The following EZH2 variants were observed in gnomAD, a reference collection of about 807,000 sequenced individuals.
The protein encoded by EZH2 is enhancer of zeste 2 polycomb repressive complex 2 subunit.
A neutral mutation model predicts 98.4 loss-of-function variants in EZH2; 18 were observed. The observed-to-expected ratio is 0.18, with a 90% CI of 0.13 to 0.27. The LOEUF (loss-of-function observed/expected upper bound fraction) is 0.27, where lower values mean the gene tolerates loss of function less well. Among genes scored for constraint, EZH2 ranks in the 10% least tolerant of loss-of-function variants. The pLI is 1.00. For synonymous variants in EZH2, 338 were observed against 312.3 expected (o/e 1.08, Z -0.87); for missense variants, 470 against 935.1 (o/e 0.50, Z 6.49).
intron 6 of EZH2, among the ~76,000 whole-genome samples, 198 bp from the exon 7 acceptor site, chr7:148,827,464 T>C (rs1808051314): frequency 1.3e-5 from 2 of 152,128 alleles, no homozygotes; most frequent in Admixed American, 6.5e-5. Context: ...CAAATTCAAA[T>C]ATGAAAAGCT....
chr7:148,859,618 G>T (rs1817376820), intron 1 of EZH2, among the ~76,000 whole-genome samples: 1 of 152,154 alleles, frequency 6.6e-6, no homozygotes, highest in Admixed American at 6.5e-5. Context: ...GGCAAGGGTG[G>T]CAAACAAAGG....
chr7:148,814,681 G>C (rs1369809908), intron 14 of EZH2, among the ~76,000 whole-genome samples: 1 of 152,144 alleles, frequency 6.6e-6, no homozygotes, highest in Non-Finnish European at 1.5e-5. Context: ...ATAAAATTCA[G>C]GTTCCTTTAA....
chr7:148,852,506 C>T (rs932175101), intron 1 of EZH2, among the ~76,000 whole-genome samples: 2 of 152,180 alleles, frequency 1.3e-5, no homozygotes, highest in Non-Finnish European at 2.9e-5. Flanking sequence ...GTGACCAGTA[C>T]AGGGTTAGAT....
chr7:148,858,948 T>C (rs1817255094), intron 1 of EZH2, among the ~76,000 whole-genome samples: 1 of 152,204 alleles, frequency 6.6e-6, no homozygotes, highest in Admixed American at 6.5e-5. Context: ...AAGGATTCTA[T>C]ACAATTCAGG....
chr7:148,818,756 A>ATAAT (rs1805246370), intron 9 of EZH2, among the ~76,000 whole-genome samples: 1 of 152,218 alleles, frequency 6.6e-6, no homozygotes, highest in South Asian at 2.1e-4. Flanking sequence ...ATGAAGTACA[A>ATAAT]TAATCCAGTC....
At chr7:148,840,727 T>C (rs1446774260) in intron 3 of EZH2, among the ~76,000 whole-genome samples, 1 of 152,174 alleles carries the variant, frequency 6.6e-6, no homozygotes, top group Non-Finnish European at 1.5e-5. Context: ...TTTTATAAAA[T>C]CTGCTAAGAG....
chr7:148,808,568 C>T (rs1802148908), intron 19 of EZH2, among the ~76,000 whole-genome samples: 1 of 152,240 alleles, frequency 6.6e-6, no homozygotes, highest in Admixed American at 6.5e-5. Context: ...GTGTCCCAGG[C>T]ATCCCCACAG....
chr7:148,853,908 C>T (rs1360767128), intron 1 of EZH2, among the ~76,000 whole-genome samples: 1 of 152,150 alleles, frequency 6.6e-6, no homozygotes, highest in Non-Finnish European at 1.5e-5. Flanking sequence ...AGAGCTTCCT[C>T]CATCCTCTCA....
At chr7:148,882,348 T>C (rs1821129730) in intron 1 of EZH2, among the ~76,000 whole-genome samples, 1 of 152,236 alleles carries the variant, frequency 6.6e-6, no homozygotes, top group Non-Finnish European at 1.5e-5. Flanking sequence ...TATATTCACT[T>C]TCCACAAAAA....
At chr7:148,825,864 G>A (rs1807542683) in intron 8 of EZH2, among the ~76,000 whole-genome samples, 1 of 152,156 alleles carries the variant, frequency 6.6e-6, no homozygotes, top group African/African-American at 2.4e-5. Flanking sequence ...GTGCTTAGAA[G>A]TTTCAATTAC....
intron 16 of EZH2, 101 bp from the exon 17 acceptor site, chr7:148,810,515 A>G (rs909023709): frequency 1.4e-6 from 1 of 702,120 alleles, no homozygotes; most frequent in Non-Finnish European, 2.5e-6. Context: ...CTTCTGGAGA[A>G]AACGCAACAA....
At chr7:148,854,145 G>T (rs534003514) in intron 1 of EZH2, among the ~76,000 whole-genome samples, 109 of 152,254 alleles carry the variant, frequency 7.2e-4, no homozygotes, top group African/African-American at 2.4e-3. Context: ...AGCCCTTATT[G>T]CTTCTTTAAA....
At chr7:148,833,184 CGCGGTG>C (rs1243032318) in intron 3 of EZH2, among the ~76,000 whole-genome samples, 2 of 152,100 alleles carry the variant, frequency 1.3e-5, no homozygotes, top group African/African-American at 4.8e-5. Context: ...TTGGGCCGGG[CGCGGTG>C]GCTCACGCCT....
chr7:148,830,887 A>C (rs567319317), intron 4 of EZH2, among the ~76,000 whole-genome samples: 1 of 152,370 alleles, frequency 6.6e-6, no homozygotes, highest in South Asian at 2.1e-4. Flanking sequence ...GTACATGTTT[A>C]AAGAGACTAA....
intron 1 of EZH2, among the ~76,000 whole-genome samples, chr7:148,880,204 A>G (rs1007451116): frequency 2.6e-5 from 4 of 152,274 alleles, no homozygotes; most frequent in Non-Finnish European, 4.4e-5. Context: ...CAACTATCTT[A>G]GAAATTTACC....
Position 148,814,121 on chromosome 7 carries a change from C to T in EZH2, c.1689G>A (p.Pro563=), listed in dbSNP as rs144723981. The T allele has an allele frequency of 1.1e-5, 18 of 1,612,988 alleles. No homozygotes were observed. Among genetic ancestry groups the T allele is most frequent in the Admixed American group, 1.7e-5 (1 of 59,772 alleles). Residue 563 remains proline (P), a synonymous_variant, in exon 15 of 20, where the codon CCG becomes CCA. Transcript: ENST00000320356. Reference sequence around the variant, plus strand: ...TGCACTGTGCTTTGCAGCGGCATCCCGGAAAGCGGTTTTGACCTTCAGAGA... The same window carrying T: ...TGCACTGTGCTTTGCAGCGGCATCCTGGAAAGCGGTTTTGACCTTCAGAGA... ...QCSSECQNRF[P]GCRCKAQCNT... is the part of the protein sequence containing the mutation.
intron 1 of EZH2, among the ~76,000 whole-genome samples, chr7:148,883,686 C>A (rs1274531801): frequency 6.6e-6 from 1 of 151,592 alleles, no homozygotes; most frequent in Non-Finnish European, 1.5e-5. Flanking sequence ...CCTCCGGAGA[C>A]ACAGTCCGTC....
chr7:148,839,107 A>AGGAAGGAAGGAAGG (rs1307399209), intron 3 of EZH2, among the ~76,000 whole-genome samples: 5 of 150,152 alleles, frequency 3.3e-5, no homozygotes, highest in African/African-American at 1.0e-4. Context: ...GAAGGAAGGA[A>AGGAAGGAAGGAAGG]AGTGAGTGAG....
chr7:148,821,307 G>A (rs73158259), intron 8 of EZH2, among the ~76,000 whole-genome samples: 7,267 of 152,122 alleles, frequency 0.048, 260 homozygotes, highest in Middle Eastern at 0.082. Flanking sequence ...AAGCCCAACA[G>A]CAGCAGCAAG....
Sources: allele counts gnomAD v4.1 joint callset (sites outside exome capture counted in the v4.1 genomes callset), GRCh38; gene constraint gnomAD v4.1.1; transcripts MANE v1.5; gene names NCBI Gene and HGNC (gene_info 2026-07-23, HGNC 2026-07-21).